GRIK3: variants seen among roughly 807,000 people sequenced by gnomAD.
GRIK3 encodes the protein glutamate ionotropic receptor kainate type subunit 3.
In GRIK3, 29 loss-of-function variants were observed where a neutral mutation model predicts 102.5. The observed-to-expected ratio is 0.28, with a 90% CI of 0.21 to 0.39. The LOEUF (loss-of-function observed/expected upper bound fraction) is 0.39, where lower values mean the gene tolerates loss of function less well. Among genes scored for constraint, GRIK3 ranks in the 10% least tolerant of loss-of-function variants. The probability of loss-of-function intolerance (pLI) is 1.00; values close to 1 mark genes in which losing one functional copy is unlikely to be tolerated. For missense variants in GRIK3, 908 were observed against 1,252.4 expected, an observed-to-expected ratio of 0.73 and a Z score of 4.15; for synonymous variants, 511 against 504.9, an observed-to-expected ratio of 1.01 and a Z score of -0.16.
chr1:36,974,902 C>T (rs1557448283), intron 1 of GRIK3, among the ~76,000 whole-genome samples: 1 of 151,854 alleles, frequency 6.6e-6, no homozygotes, highest in Non-Finnish European at 1.5e-5. Flanking sequence ...CACGAAAAGA[C>T]AAATATTGTA....
At chr1:36,878,545 G>A (rs1640933572) in intron 3 of GRIK3, among the ~76,000 whole-genome samples, 2 of 152,262 alleles carry the variant, frequency 1.3e-5, no homozygotes, top group South Asian at 2.1e-4. Context: ...GCTGGATGCA[G>A]CAGCTCTTGA....
intron 2 of GRIK3, among the ~76,000 whole-genome samples, chr1:36,890,401 G>A (rs1267337189): frequency 6.6e-6 from 1 of 151,788 alleles, no homozygotes. Flanking sequence ...GAGGCGGAGG[G>A]TGCAGTGAGC....
At chr1:37,024,015 G>A (rs377609608) in intron 1 of GRIK3, among the ~76,000 whole-genome samples, 1 of 152,218 alleles carries the variant, frequency 6.6e-6, no homozygotes, top group African/African-American at 2.4e-5. Flanking sequence ...AAAAGTTATA[G>A]ATCAGCAGCA....
At chr1:36,970,426 A>G (rs762175763) in intron 1 of GRIK3, among the ~76,000 whole-genome samples, 3 of 152,120 alleles carry the variant, frequency 2.0e-5, no homozygotes, top group South Asian at 2.1e-4. Context: ...TCTCATTCCA[A>G]TCCTCTAATC....
intron 7 of GRIK3, among the ~76,000 whole-genome samples, chr1:36,858,516 G>A (rs188151002): frequency 9.8e-5 from 15 of 152,286 alleles, no homozygotes; most frequent in African/African-American, 3.6e-4. Flanking sequence ...ATATTCTCTG[G>A]TTTCTCTAGA....
At chr1:36,877,179 T>C (rs982829544) in intron 3 of GRIK3, among the ~76,000 whole-genome samples, 1 of 152,186 alleles carries the variant, frequency 6.6e-6, no homozygotes, top group African/African-American at 2.4e-5. Context: ...ATGGTATCCA[T>C]CATCATGATA....
intron 1 of GRIK3, among the ~76,000 whole-genome samples, chr1:36,974,250 G>C (rs1051738759): frequency 1.3e-5 from 2 of 152,060 alleles, no homozygotes; most frequent in Non-Finnish European, 2.9e-5. Flanking sequence ...TTATTAGGTT[G>C]GTGCAAAAGT....
chr1:36,999,812 G>A (rs1642456195), intron 1 of GRIK3, among the ~76,000 whole-genome samples: 1 of 152,092 alleles, frequency 6.6e-6, no homozygotes, highest in South Asian at 2.1e-4. Context: ...TCTTATCCCT[G>A]CTTACTTTGT....
chr1:36,962,640 AAGAG>A (rs5773557), intron 1 of GRIK3, among the ~76,000 whole-genome samples: 306 of 144,916 alleles, frequency 2.1e-3, no homozygotes, highest in East Asian at 8.8e-3. Context: ...GAGGGAGAGG[AAGAG>A]AGAGAGAGAG....
At chr1:36,842,029 C>T (rs1640459977) in intron 9 of GRIK3, 90 bp from the exon 10 acceptor site, 1 of 1,064,372 alleles carries the variant, frequency 9.4e-7, no homozygotes, top group African/African-American at 1.6e-5. Flanking sequence ...AGGACCTCTG[C>T]TCATGTTTTT....
intron 9 of GRIK3, chr1:36,849,848 C>CATTAAAAAA: frequency 6.4e-6 from 1 of 156,000 alleles, no homozygotes; most frequent in South Asian, 2.0e-4. Flanking sequence ...GTGGCAGTGG[C>CATTAAAAAA]TGACGGCTCT....
intron 1 of GRIK3, among the ~76,000 whole-genome samples, chr1:36,943,778 T>C (rs1055411374): frequency 2.0e-5 from 3 of 152,254 alleles, no homozygotes; most frequent in African/African-American, 7.2e-5. Flanking sequence ...GGCTCTAGGA[T>C]GAGCAAGGCA....
At chr1:36,886,453 T>C (rs1370788803) in intron 2 of GRIK3, among the ~76,000 whole-genome samples, 1 of 151,960 alleles carries the variant, frequency 6.6e-6, no homozygotes, top group African/African-American at 2.4e-5. Flanking sequence ...AAACCAAAGA[T>C]GAGAAGAAAA....
At chr1:36,906,387 AT>A (rs1224952192) in intron 1 of GRIK3, among the ~76,000 whole-genome samples, 29 of 152,358 alleles carry the variant, frequency 1.9e-4, no homozygotes, top group African/African-American at 7.0e-4. Flanking sequence ...CAGAGGGCTG[AT>A]TATTGTGAGG....
At chr1:36,802,074 A>G in intron 15 of GRIK3, 29 bp from the exon 16 acceptor site, 1 of 1,549,642 alleles carries the variant, frequency 6.5e-7, no homozygotes. Flanking sequence ...GAGGGGTCGG[A>G]AAAGGGGCAC....
rs909542210 is a variant in GRIK3, at chr1:36,798,431, C to G, written c.*3420G>C. 1 of 152,454 alleles carries G rather than the reference C, an allele frequency of 6.6e-6. No individual in the cohort carries two copies. Among genetic ancestry groups the G allele is most frequent in the Non-Finnish European group, 1.5e-5 (1 of 68,204 alleles). The allele number at this position is 152,454 out of a possible 1,614,324, so 9.4% of individuals were successfully genotyped here. A position where few individuals can be genotyped will look rare whatever the true frequency, so the allele number is the denominator to read the frequency against. On this transcript the variant is annotated 3_prime_UTR_variant, in exon 16 of 16. Coordinates refer to ENST00000373091, the MANE Select transcript of GRIK3 (RefSeq NM_000831.4). ...AAGCAAGCTTTCATGCTTCCCATCA[C>G]CTCTCAGTGCCTGCGTGTGTGCACA...
At chr1:36,865,338 G>A (rs990088920) in intron 5 of GRIK3, among the ~76,000 whole-genome samples, 3 of 152,156 alleles carry the variant, frequency 2.0e-5, no homozygotes, top group Non-Finnish European at 2.9e-5. Context: ...AAGCAAATTT[G>A]GAGAATTTTT....
chr1:36,859,673 A>G (rs1213971452), intron 6 of GRIK3, among the ~76,000 whole-genome samples, 171 bp downstream of exon 6: 1 of 151,952 alleles, frequency 6.6e-6, no homozygotes, highest in Admixed American at 6.5e-5. Context: ...TTGGGGAGGG[A>G]CTGTCTGTTT....
In GRIK3 at chr1:36,859,936, G is replaced by T; in HGVS notation, c.868C>A (p.Pro290Thr). The change falls in exon 6 of 16, where the codon CCA (proline) becomes ACA (threonine). Residue 290 changes from proline (P) to threonine (T), a missense_variant. Coordinates refer to ENST00000373091, the MANE Select transcript of GRIK3 (RefSeq NM_000831.4). ...TTCTCCACAATGGCCGAGACGTGTG[G>T]GTTGTCCACATTGAGAATCCGGAAT... ...TGFRILNVDN[P>T]HVSAIVEKWS... 3 of 1,613,654 alleles carry T rather than the reference G, an allele frequency of 1.9e-6. No homozygotes were observed. The East Asian group carries it at 6.7e-5, about 36-fold the overall frequency.
Sources: allele counts gnomAD v4.1 joint callset (sites outside exome capture counted in the v4.1 genomes callset), GRCh38; gene constraint gnomAD v4.1.1; transcripts MANE v1.5; gene names NCBI Gene and HGNC (gene_info 2026-07-23, HGNC 2026-07-21).